Variants in NF1 observed in about 807,000 individuals in gnomAD.
NF1 encodes the protein neurofibromin 1.
NF1 carries 122 observed loss-of-function variants against 325.7 expected under a neutral mutation model. The ratio of observed to expected loss-of-function variants is 0.37; its 90% CI spans 0.32 to 0.44. The LOEUF (loss-of-function observed/expected upper bound fraction) is 0.44. Ranked by LOEUF, NF1 falls within the 20% of genes least tolerant of loss-of-function variation. The probability of loss-of-function intolerance (pLI) is 1.00; values close to 1 mark genes in which losing one functional copy is unlikely to be tolerated. For synonymous variants in NF1, 1,091 were observed against 1,186.0 expected, an observed-to-expected ratio of 0.92 and a Z score of 1.65; for missense variants, 2,140 against 3,415.4, an observed-to-expected ratio of 0.63 and a Z score of 9.31.
intron 1 of NF1, among the ~76,000 whole-genome samples, chr17:31,100,860 G>A (rs141387104): frequency 6.6e-6 from 1 of 152,294 alleles, no homozygotes; most frequent in African/African-American, 2.4e-5. Flanking sequence ...GAGCCACCGT[G>A]CCCGGCCCGG....
chr17:31,333,912 G>T (rs1251636951), intron 39 of NF1, among the ~76,000 whole-genome samples: 1 of 152,156 alleles, frequency 6.6e-6, no homozygotes, highest in Non-Finnish European at 1.5e-5. Flanking sequence ...ATAAATTTTT[G>T]TACAATTTTT....
intron 50 of NF1, among the ~76,000 whole-genome samples, chr17:31,351,785 G>A (rs973478559): frequency 7.9e-5 from 12 of 151,980 alleles, no homozygotes; most frequent in South Asian, 2.1e-4. Context: ...CAGGCCGCAC[G>A]CAGCCCAGGA....
At chr17:31,119,580 G>C (rs1412957641) in intron 1 of NF1, among the ~76,000 whole-genome samples, 2 of 151,752 alleles carry the variant, frequency 1.3e-5, no homozygotes, top group Non-Finnish European at 2.9e-5. Flanking sequence ...ACTCATGATA[G>C]TTTCTTTTGC....
At chr17:31,282,671 G>A (rs931041373) in intron 36 of NF1, among the ~76,000 whole-genome samples, 1 of 152,098 alleles carries the variant, frequency 6.6e-6, no homozygotes, top group African/African-American at 2.4e-5. Flanking sequence ...CCATGTTGTA[G>A]CATGTATCAG....
intron 36 of NF1, among the ~76,000 whole-genome samples, chr17:31,282,632 T>G (rs550751107): frequency 6.6e-6 from 1 of 152,192 alleles, no homozygotes; most frequent in Non-Finnish European, 1.5e-5. Context: ...GTGACTGCCT[T>G]CTTTTACTTT....
chr17:31,345,982 C>G, intron 48 of NF1: 4 of 1,612,108 alleles, frequency 2.5e-6, no homozygotes, highest in Non-Finnish European at 3.4e-6. Flanking sequence ...ACTGGTGAAC[C>G]ATTAGTCCAG....
rs67526348 is a variant in NF1 at position 31,308,635 on chromosome 17, CTTT to C, written c.4836-17177_4836-17175del. 3.0e-3 allele frequency among the ~76,000 whole-genome samples: 456 copies of C among 150,674 alleles called. 1 individual carries two copies. The highest frequency in any genetic ancestry group is 4.7e-3 in the Non-Finnish European group (319 of 67,664). On this transcript the variant is annotated intron_variant, in intron 36 of 57. Coordinates refer to ENST00000358273, the MANE Select transcript of NF1 (RefSeq NM_001042492.3). ...GTTTTTTACCCTTCTCAAGGGTGTT[CTTT>C]TTTTTTTATTTTTCTTCCAGACCTA...
At chr17:31,343,171 A>C in intron 48 of NF1, 36 bp downstream of exon 48, 1 of 1,555,946 alleles carries the variant, frequency 6.4e-7, no homozygotes, top group Non-Finnish European at 8.9e-7. Context: ...TTTATGAAGT[A>C]CTATTAAGAA....
chr17:31,160,494 T>A (rs1436045029), intron 3 of NF1, among the ~76,000 whole-genome samples: 2 of 152,252 alleles, frequency 1.3e-5, no homozygotes, highest in Non-Finnish European at 2.9e-5. Flanking sequence ...GCTAGTTGTT[T>A]TAGCATGGTA....
In NF1 at chr17:31,243,887, C is replaced by T. The variant is rs532641210; in HGVS notation, c.3975-5097C>T. Among the ~76,000 whole-genome samples, 3 of 151,912 alleles carry T rather than the reference C, an allele frequency of 2.0e-5. No individual in the cohort carries two copies. In the East Asian group the frequency reaches 5.9e-4, roughly 30 times the overall value. The stretch of plus-strand genomic sequence containing the variant: ...TTCTTTCCTCAAGCAGAAGGGGTCT[C>T]TCTCCATAGCCACCACAGTTGGTAA... On this transcript the variant is annotated intron_variant, in intron 29 of 57. Transcript: ENST00000358273.
intron 1 of NF1, among the ~76,000 whole-genome samples, chr17:31,099,082 C>T (rs903764318): frequency 1.3e-5 from 2 of 152,016 alleles, no homozygotes; most frequent in Admixed American, 6.6e-5. Flanking sequence ...CCTGTTGGAC[C>T]ACTTAACGCC....
chr17:31,304,745 T>C, intron 36 of NF1: 1 of 1,614,226 alleles, frequency 6.2e-7, no homozygotes, highest in Non-Finnish European at 8.5e-7. Context: ...AACAACTTAA[T>C]TTCTAAGTCA....
At chr17:31,179,198 A>T (rs1004530558) in intron 5 of NF1, among the ~76,000 whole-genome samples, 1 of 152,236 alleles carries the variant, frequency 6.6e-6, no homozygotes, top group African/African-American at 2.4e-5. Flanking sequence ...AGAACTCAGG[A>T]TTAAGGAACT....
At chr17:31,319,314 C>T (rs189374515) in intron 36 of NF1, among the ~76,000 whole-genome samples, 12 of 151,814 alleles carry the variant, frequency 7.9e-5, no homozygotes, top group Non-Finnish European at 1.8e-4. Context: ...TCCTTTGAAG[C>T]GTGCTAGACT....
chr17:31,350,096 CT>C, intron 49 of NF1, 86 bp from the exon 50 acceptor site: 1 of 1,417,526 alleles, frequency 7.1e-7, no homozygotes, highest in Non-Finnish European at 1.0e-6. Context: ...GTACTATGCT[CT>C]TTAGGAGACT....
rs187740019 is a variant in NF1, at chr17:31,117,399, G to A, written c.60+22030G>A. Among the ~76,000 whole-genome samples the A allele has an allele frequency of 7.0e-3, 1,068 of 151,502 alleles. 12 individuals carry two copies. The highest frequency in any genetic ancestry group is 0.037 in the South Asian group (178 of 4,794). ...TTAGAATAGTGATTTGCGGCCAGGC[G>A]CGGTGGCTCATGCCTGTAATCCCAG... is the stretch of plus-strand genomic sequence containing the variant. On this transcript the variant is annotated intron_variant, in intron 1 of 57. Coordinates refer to ENST00000358273, the MANE Select transcript of NF1 (RefSeq NM_001042492.3).
intron 8 of NF1, among the ~76,000 whole-genome samples, chr17:31,184,052 C>T (rs886224713): frequency 3.3e-5 from 5 of 152,156 alleles, no homozygotes; most frequent in African/African-American, 9.6e-5. Context: ...TCTAGAGGAA[C>T]GGAGTATTAA....
intron 11 of NF1, among the ~76,000 whole-genome samples, chr17:31,203,512 T>A (rs1339804958): frequency 1.3e-5 from 2 of 152,186 alleles, no homozygotes; most frequent in Admixed American, 6.5e-5. Flanking sequence ...GGCTAATCGC[T>A]ATTGAATCTG....
chr17:31,270,802 A>C (rs1019113393), intron 36 of NF1, among the ~76,000 whole-genome samples: 1 of 152,228 alleles, frequency 6.6e-6, no homozygotes, highest in African/African-American at 2.4e-5. Flanking sequence ...TTTAATCTAC[A>C]TAATAACCTT....
Sources: gnomAD v4.1 joint callset for allele counts (sites outside exome capture counted in the v4.1 genomes callset) on GRCh38, gnomAD v4.1.1 for gene constraint, MANE v1.5 for transcripts, NCBI Gene and HGNC (gene_info 2026-07-23, HGNC 2026-07-21) for gene names.